The following MGMT variants were observed in gnomAD, a reference collection of about 807,000 sequenced individuals.
The protein encoded by MGMT is methylated-DNA--protein-cysteine methyltransferase.
In MGMT, 14 loss-of-function variants were observed where a neutral mutation model predicts 15.9. The ratio of observed to expected loss-of-function variants is 0.88; its 90% confidence interval spans 0.58 to 1.37. MGMT has a LOEUF of 1.37. Among genes scored for constraint, MGMT ranks in the 40% most tolerant of loss-of-function variants. The probability of loss-of-function intolerance (pLI) is 0.00; values close to 1 mark genes in which losing one functional copy is unlikely to be tolerated. For synonymous variants in MGMT, 130 were observed against 118.2 expected (o/e 1.10, Z -0.65); for missense variants, 282 against 268.1 (o/e 1.05, Z -0.36).
chr10:129,610,197 T>C (rs562552789), intron 2 of MGMT, among the ~76,000 whole-genome samples: 2 of 152,360 alleles, frequency 1.3e-5, no homozygotes, highest in East Asian at 3.9e-4. Context: ...CATTAGAATT[T>C]ATTGATTTTT....
intron 2 of MGMT, among the ~76,000 whole-genome samples, chr10:129,666,330 A>T (rs1004933138): frequency 2.0e-5 from 3 of 152,210 alleles, no homozygotes; most frequent in Admixed American, 1.3e-4. Flanking sequence ...TTCACTATGT[A>T]GATTAATTTG....
intron 3 of MGMT, among the ~76,000 whole-genome samples, chr10:129,754,704 G>A (rs991329647): frequency 2.3e-4 from 35 of 152,270 alleles, no homozygotes; most frequent in African/African-American, 8.2e-4. Flanking sequence ...GCCACCCCGT[G>A]GTGGAAGGCA....
chr10:129,473,779 G>A (rs577837834), intron 1 of MGMT, among the ~76,000 whole-genome samples: 6 of 152,364 alleles, frequency 3.9e-5, no homozygotes, highest in African/African-American at 9.6e-5. Flanking sequence ...GCGTTGAGCC[G>A]TAGCTGAGGC....
At chr10:129,519,682 C>A (rs1845782900) in intron 1 of MGMT, among the ~76,000 whole-genome samples, 1 of 152,168 alleles carries the variant, frequency 6.6e-6, no homozygotes, top group Non-Finnish European at 1.5e-5. Flanking sequence ...GTGTCTCATG[C>A]AAGAATTCTT....
At chr10:129,692,977 C>T (rs1359846989) in intron 2 of MGMT, among the ~76,000 whole-genome samples, 1 of 152,220 alleles carries the variant, frequency 6.6e-6, no homozygotes, top group African/African-American at 2.4e-5. Flanking sequence ...TGGCAAAGCC[C>T]AGCAGGGCAA....
chr10:129,640,072 T>G (rs112419304), intron 2 of MGMT, among the ~76,000 whole-genome samples: 2 of 151,662 alleles, frequency 1.3e-5, no homozygotes, highest in Non-Finnish European at 2.9e-5. Context: ...TACCCATATG[T>G]TTGACTGCTT....
chr10:129,499,219 G>C (rs976796509), intron 1 of MGMT, among the ~76,000 whole-genome samples: 1 of 152,158 alleles, frequency 6.6e-6, no homozygotes, highest in Non-Finnish European at 1.5e-5. Context: ...TGCTTGCTTG[G>C]TGGAAAAAGT....
chr10:129,608,138 T>C (rs887281010), intron 2 of MGMT, among the ~76,000 whole-genome samples: 3 of 152,090 alleles, frequency 2.0e-5, no homozygotes, highest in Non-Finnish European at 4.4e-5. Flanking sequence ...ATGTTTATAA[T>C]AGAAAAAAAA....
At chr10:129,569,780 G>A (rs1367245122) in intron 2 of MGMT, among the ~76,000 whole-genome samples, 2 of 152,210 alleles carry the variant, frequency 1.3e-5, no homozygotes, top group African/African-American at 4.8e-5. Context: ...TCAGACAAGT[G>A]AGTGTCCCTT....
intron 2 of MGMT, among the ~76,000 whole-genome samples, chr10:129,589,394 G>A (rs888300022): frequency 2.0e-5 from 3 of 152,204 alleles, no homozygotes; most frequent in African/African-American, 7.2e-5. Context: ...CTCAGAGCAT[G>A]GGTGCTACTC....
chr10:129,749,691 C>CA (rs1848732337), intron 3 of MGMT, among the ~76,000 whole-genome samples: 2 of 152,128 alleles, frequency 1.3e-5, no homozygotes, highest in Admixed American at 1.3e-4. Context: ...AAAGAAATTG[C>CA]AAAACAGTCT....
intron 2 of MGMT, among the ~76,000 whole-genome samples, chr10:129,641,865 G>A (rs1847331304): frequency 1.3e-5 from 2 of 152,124 alleles, no homozygotes; most frequent in Admixed American, 1.3e-4. Context: ...AAAATATTTT[G>A]TATCTAATGT....
intron 2 of MGMT, among the ~76,000 whole-genome samples, chr10:129,631,246 T>C (rs1847206531): frequency 6.6e-6 from 1 of 152,102 alleles, no homozygotes; most frequent in Non-Finnish European, 1.5e-5. Flanking sequence ...ACAGTCCCCG[T>C]TAAGGGTAGA....
rs1186048029 is a variant in MGMT at position 129,770,444 on chromosome 10, A to G, written c.*3447A>G. On this transcript the variant is annotated 3_prime_UTR_variant, in exon 5 of 5. Coordinates refer to ENST00000651593, the MANE Select transcript of MGMT (RefSeq NM_002412.5). ...GTTGCTGTATCCCCTGACCTGGCCT[A>G]CAAGGACAGAACAGCCCTGGGGGCC... Among the ~76,000 whole-genome samples the G allele has an allele frequency of 6.6e-6, 1 of 152,208 alleles. No individual in the cohort carries two copies. Among genetic ancestry groups the G allele is most frequent in the African/African-American group, 2.4e-5 (1 of 41,456 alleles).
intron 3 of MGMT, among the ~76,000 whole-genome samples, chr10:129,741,484 C>T (rs1362360385): frequency 1.3e-5 from 2 of 152,206 alleles, no homozygotes; most frequent in Non-Finnish European, 2.9e-5. Context: ...GCCAGGACTG[C>T]ATGTGGCCCT....
At chr10:129,700,532 T>C (rs1848086602) in intron 2 of MGMT, 1 of 152,120 alleles carries the variant, frequency 6.6e-6, no homozygotes, top group Admixed American at 6.5e-5. Flanking sequence ...GACCCTCACC[T>C]TCCCTTCCTG....
At chr10:129,500,316 A>G (rs757986524) in intron 1 of MGMT, among the ~76,000 whole-genome samples, 2 of 152,242 alleles carry the variant, frequency 1.3e-5, no homozygotes, top group Non-Finnish European at 2.9e-5. Flanking sequence ...GCCCTGGGCC[A>G]TGGGGGGCTG....
chr10:129,577,601 A>C (rs992240255), intron 2 of MGMT, among the ~76,000 whole-genome samples: 3 of 152,254 alleles, frequency 2.0e-5, no homozygotes, highest in Non-Finnish European at 4.4e-5. Context: ...AAACCTAGGC[A>C]ATACCATTCA....
intron 1 of MGMT, among the ~76,000 whole-genome samples, chr10:129,493,283 C>T (rs764458537): frequency 3.3e-5 from 5 of 152,148 alleles, no homozygotes; most frequent in East Asian, 1.9e-4. Context: ...TCAGGGCCCT[C>T]GGGTTGTCAG....
Sources: allele counts gnomAD v4.1 joint callset (sites outside exome capture counted in the v4.1 genomes callset), GRCh38; gene constraint gnomAD v4.1.1; transcripts MANE v1.5; gene names NCBI Gene and HGNC (gene_info 2026-07-23, HGNC 2026-07-21).